Variants in RB1 observed in about 807,000 individuals in gnomAD.
The protein encoded by RB1 is RB transcriptional corepressor 1.
RB1 carries 18 observed loss-of-function variants against 135.4 expected under a neutral mutation model. That is an observed-to-expected ratio of 0.13 (90% CI 0.09 to 0.20). The LOEUF (loss-of-function observed/expected upper bound fraction) is 0.20. Among genes scored for constraint, RB1 ranks in the 10% least tolerant of loss-of-function variants. The pLI is 1.00. For synonymous variants in RB1, 365 were observed against 373.2 expected, an observed-to-expected ratio of 0.98 and a Z score of 0.25; for missense variants, 868 against 1,110.0, an observed-to-expected ratio of 0.78 and a Z score of 3.10.
At chr13:48,394,578 C>T (rs1482326128) in intron 17 of RB1, among the ~76,000 whole-genome samples, 4 of 152,130 alleles carry the variant, frequency 2.6e-5, no homozygotes, top group African/African-American at 4.8e-5. Flanking sequence ...GAGGGGCATT[C>T]CCCATTACTG....
At chr13:48,415,148 G>A (rs1323401996) in intron 17 of RB1, among the ~76,000 whole-genome samples, 1 of 150,128 alleles carries the variant, frequency 6.7e-6, no homozygotes, top group Non-Finnish European at 1.5e-5. Context: ...TTTTGAATAT[G>A]GCGGCATTTT....
chr13:48,441,111 T>A (rs1399938032), intron 17 of RB1, among the ~76,000 whole-genome samples: 1 of 152,202 alleles, frequency 6.6e-6, no homozygotes, highest in Non-Finnish European at 1.5e-5. Flanking sequence ...AGAAATGTAT[T>A]TCTCACAGTT....
intron 2 of RB1, among the ~76,000 whole-genome samples, chr13:48,339,078 C>T (rs1952415301): frequency 6.6e-6 from 1 of 152,128 alleles, no homozygotes; most frequent in African/African-American, 2.4e-5. Flanking sequence ...TGTTAGTCTG[C>T]CCCTAGTGGG....
In RB1 at chr13:48,421,611, C is replaced by G. The variant is rs907924725; in HGVS notation, c.1696-31382C>G. ...CAGAATGGGAGAAAATTTTTGCGATCTATCCATCTGACAAAGGGCTAAAGT... is the reference window on the plus strand; with the variant it reads ...CAGAATGGGAGAAAATTTTTGCGATGTATCCATCTGACAAAGGGCTAAAGT... On this transcript the variant is annotated intron_variant, in intron 17 of 26. Transcript: ENST00000267163. Among the ~76,000 whole-genome samples, 9 of 152,136 alleles carry G rather than the reference C, an allele frequency of 5.9e-5. No homozygotes were observed. In the South Asian group the frequency reaches 6.2e-4, roughly 11 times the overall value.
At chr13:48,345,384 C>G (rs1228248942) in intron 4 of RB1, among the ~76,000 whole-genome samples, 185 bp downstream of exon 4, 2 of 152,170 alleles carry the variant, frequency 1.3e-5, no homozygotes, top group Non-Finnish European at 2.9e-5. Flanking sequence ...ATTCTGAATG[C>G]TTCCTGGAAA....
chr13:48,332,663 A>G (rs1952347829), intron 2 of RB1, among the ~76,000 whole-genome samples: 1 of 152,222 alleles, frequency 6.6e-6, no homozygotes, highest in African/African-American at 2.4e-5. Flanking sequence ...AATGTTTTGT[A>G]TTCTTGAAAT....
At chr13:48,437,411 G>T (rs547526000) in intron 17 of RB1, among the ~76,000 whole-genome samples, 52 of 152,300 alleles carry the variant, frequency 3.4e-4, no homozygotes, top group Middle Eastern at 3.4e-3. Context: ...TTAATTATCT[G>T]TTAGAACAAC....
intron 17 of RB1, among the ~76,000 whole-genome samples, chr13:48,397,929 T>C (rs1948661386): frequency 6.6e-6 from 1 of 152,212 alleles, no homozygotes; most frequent in African/African-American, 2.4e-5. Flanking sequence ...TTGGTGTACT[T>C]TGCAGAAGTA....
At chr13:48,322,031 A>G (rs1303517766) in intron 2 of RB1, among the ~76,000 whole-genome samples, 1 of 152,056 alleles carries the variant, frequency 6.6e-6, no homozygotes, top group Non-Finnish European at 1.5e-5. Context: ...TCTGTTGATT[A>G]TTTATTTTGC....
At chr13:48,313,190 CT>C (rs1952146542) in intron 2 of RB1, among the ~76,000 whole-genome samples, 1 of 151,914 alleles carries the variant, frequency 6.6e-6, no homozygotes, top group African/African-American at 2.4e-5. Context: ...GAATACCCTT[CT>C]TTTTTCTTTT....
At chr13:48,318,751 C>T in intron 2 of RB1, 2 of 668,194 alleles carry the variant, frequency 3.0e-6, no homozygotes, top group South Asian at 1.6e-5. Context: ...GAGAGGGGGG[C>T]CTTGGGGCCA....
intron 2 of RB1, among the ~76,000 whole-genome samples, chr13:48,336,263 C>T (rs1162039712): frequency 2.0e-5 from 3 of 152,120 alleles, no homozygotes; most frequent in Admixed American, 2.0e-4. Context: ...AGGAATGGTA[C>T]CAGCTCCTCT....
chr13:48,405,131 C>T (rs558553746), intron 17 of RB1, among the ~76,000 whole-genome samples: 1 of 152,182 alleles, frequency 6.6e-6, no homozygotes, highest in South Asian at 2.1e-4. Context: ...CACACCAGAG[C>T]AGAGAGAAAA....
At chr13:48,365,142 C>A (rs1412712045) in intron 9 of RB1, among the ~76,000 whole-genome samples, 171 bp downstream of exon 9, 1 of 151,964 alleles carries the variant, frequency 6.6e-6, no homozygotes, top group East Asian at 1.9e-4. Flanking sequence ...TAACAAAAAG[C>A]TTTTGAGTAT....
At chr13:48,371,568 A>G (rs573844735) in intron 11 of RB1, among the ~76,000 whole-genome samples, 5 of 152,264 alleles carry the variant, frequency 3.3e-5, no homozygotes, top group Non-Finnish European at 7.3e-5. Flanking sequence ...TGATGAATTC[A>G]TACTTAGAAT....
intron 3 of RB1, 81 bp downstream of exon 3, chr13:48,342,795 A>G: frequency 1.0e-6 from 1 of 960,630 alleles, no homozygotes; most frequent in Non-Finnish European, 1.6e-6. Context: ...ACTTTTGTGA[A>G]TTAGTGAGAA....
chr13:48,373,586 TCTC>T, intron 12 of RB1, 94 bp downstream of exon 12: 1 of 784,442 alleles, frequency 1.3e-6, no homozygotes, highest in Non-Finnish European at 2.2e-6. Context: ...AAAATACTAA[TCTC>T]CTATCTAACA....
chr13:48,330,182 CA>C (rs1185675817), intron 2 of RB1, among the ~76,000 whole-genome samples: 1 of 151,332 alleles, frequency 6.6e-6, no homozygotes, highest in African/African-American at 2.4e-5. Context: ...AAAACAGTTC[CA>C]ATAGGAGATT....
intron 8 of RB1, among the ~76,000 whole-genome samples, chr13:48,363,917 C>T (rs969147541): frequency 6.6e-6 from 1 of 152,106 alleles, no homozygotes; most frequent in Non-Finnish European, 1.5e-5. Context: ...CAGTTTTTCT[C>T]ATAGTTTGTT....
Sources: allele counts gnomAD v4.1 joint callset (sites outside exome capture counted in the v4.1 genomes callset), GRCh38; gene constraint gnomAD v4.1.1; transcripts MANE v1.5; gene names NCBI Gene and HGNC (gene_info 2026-07-23, HGNC 2026-07-21).